MYRIP: variants seen among roughly 807,000 people sequenced by gnomAD.
MYRIP encodes the protein myosin VIIA and Rab interacting protein.
A neutral mutation model predicts 98.0 loss-of-function variants in MYRIP; 49 were observed. The observed-to-expected ratio is 0.50, with a 90% CI of 0.40 to 0.63. The LOEUF is 0.63. Among genes scored for constraint, MYRIP ranks in the 30% least tolerant of loss-of-function variants. MYRIP has a pLI of 0.00. For missense variants in MYRIP, 1,004 were observed against 1,058.2 expected, an observed-to-expected ratio of 0.95 and a Z score of 0.71; for synonymous variants, 404 against 409.5, an observed-to-expected ratio of 0.99 and a Z score of 0.16.
chr3:40,255,071 C>CA (rs1305922408), intron 16 of MYRIP, among the ~76,000 whole-genome samples: 1 of 152,166 alleles, frequency 6.6e-6, no homozygotes, highest in Admixed American at 6.6e-5. Flanking sequence ...TACTCACTGC[C>CA]TTCTCTTCAT....
At chr3:40,061,126 G>A (rs1039292935) in intron 3 of MYRIP, among the ~76,000 whole-genome samples, 8 of 152,104 alleles carry the variant, frequency 5.3e-5, no homozygotes, top group Non-Finnish European at 1.2e-4. Flanking sequence ...GTGAAGGTTT[G>A]TTATACAGGT....
At chr3:39,973,252 C>T (rs1383745201) in intron 2 of MYRIP, among the ~76,000 whole-genome samples, 1 of 152,008 alleles carries the variant, frequency 6.6e-6, no homozygotes, top group Admixed American at 6.6e-5. Context: ...GGCTGTAATC[C>T]TAGTCTCTGA....
chr3:40,016,889 G>T (rs1174507849), intron 2 of MYRIP, among the ~76,000 whole-genome samples: 6 of 152,190 alleles, frequency 3.9e-5, no homozygotes, highest in Admixed American at 3.9e-4. Flanking sequence ...GGCCAGAGTT[G>T]CTGGGCAGGG....
intron 1 of MYRIP, among the ~76,000 whole-genome samples, chr3:39,865,964 A>G (rs1195675721): frequency 1.3e-5 from 2 of 152,202 alleles, no homozygotes; most frequent in Non-Finnish European, 2.9e-5. Context: ...AAAATGTGGT[A>G]AATATACACC....
At chr3:39,843,328 G>C (rs1941860726) in intron 1 of MYRIP, among the ~76,000 whole-genome samples, 1 of 152,030 alleles carries the variant, frequency 6.6e-6, no homozygotes, top group African/African-American at 2.4e-5. Context: ...CTCCAGTCTA[G>C]CTCAAACATT....
Position 40,245,753 on chromosome 3 carries a change from T to TTTTC in MYRIP, c.2262+1149_2262+1150insCTTT, listed in dbSNP as rs1395486835. Among the ~76,000 whole-genome samples the TTTTC allele has an allele frequency of 2.8e-5, 4 of 140,468 alleles. No homozygotes were observed. In the East Asian group the frequency reaches 8.4e-4, roughly 30 times the overall value. The allele number at this position is 140,468 out of a possible 152,430, so 92.2% of individuals were successfully genotyped here. A position where few individuals can be genotyped will look rare whatever the true frequency, so the allele number is the denominator to read the frequency against. On this transcript the variant is annotated intron_variant, in intron 13 of 16. Transcript: ENST00000302541. ...ATAGACCCCTGGTTTGCTGATTTTTTTTTTTTTTTTTTGAGACAGAGTCTT... is the reference window on the plus strand; with the variant it reads ...ATAGACCCCTGGTTTGCTGATTTTTTTTTCTTTTTTTTTTTTGAGACAGAGTCTT...
At chr3:40,010,119 A>G (rs1020817138) in intron 2 of MYRIP, among the ~76,000 whole-genome samples, 3 of 152,250 alleles carry the variant, frequency 2.0e-5, no homozygotes, top group Admixed American at 2.0e-4. Context: ...ATATGCAGGC[A>G]GAATATCCAG....
intron 1 of MYRIP, among the ~76,000 whole-genome samples, chr3:39,846,795 A>T (rs946662930): frequency 1.2e-4 from 18 of 152,182 alleles, no homozygotes; most frequent in African/African-American, 4.3e-4. Flanking sequence ...TCCCATGATT[A>T]TTGAGGTTGG....
At chr3:39,913,105 A>T (rs1164936045) in intron 2 of MYRIP, among the ~76,000 whole-genome samples, 3 of 152,316 alleles carry the variant, frequency 2.0e-5, no homozygotes, top group Middle Eastern at 3.4e-3. Flanking sequence ...AGATAAAGAC[A>T]ATTTCTCTTT....
intron 4 of MYRIP, among the ~76,000 whole-genome samples, chr3:40,155,326 A>G (rs1159829095): frequency 6.6e-6 from 1 of 151,130 alleles, no homozygotes; most frequent in African/African-American, 2.4e-5. Flanking sequence ...TGAACTCATC[A>G]TTTTTTATGG....
intron 2 of MYRIP, among the ~76,000 whole-genome samples, chr3:39,904,176 G>T (rs993486179): frequency 1.1e-4 from 16 of 152,094 alleles, no homozygotes; most frequent in African/African-American, 3.9e-4. Context: ...TAACAATTTA[G>T]ATCTTTTCCA....
In MYRIP at chr3:40,190,456, C is replaced by A. The variant is rs751862700; in HGVS notation, c.1658C>A (p.Thr553Lys). The A allele has an allele frequency of 1.9e-6, 3 of 1,587,844 alleles. No individual in the cohort carries two copies. The Admixed American group carries it at 5.3e-5, about 28-fold the overall frequency. The change falls in exon 10 of 17, where the codon ACA becomes AAA. Residue 553 changes from threonine to lysine, a missense_variant. Thr to Lys is a moderately conservative substitution (Grantham distance 78). This residue lies in a region of MYRIP where 880 missense variants were observed against 907.7 expected (regional missense o/e 0.97). Transcript: ENST00000302541. ...SPSAQLRDLD[T>K]HQVSDDLSET... ...AGCGCCCAGCTCCGGGATCTAGACA[C>A]ACATCAGGTAATGGAAGTGCATGCG...
chr3:40,158,300 G>T (rs1950291999), intron 4 of MYRIP, among the ~76,000 whole-genome samples: 1 of 152,142 alleles, frequency 6.6e-6, no homozygotes, highest in South Asian at 2.1e-4. Flanking sequence ...ATGTAGTTGA[G>T]CGGTTTTGAG....
chr3:39,953,786 G>A (rs1237894798), intron 2 of MYRIP, among the ~76,000 whole-genome samples: 5 of 152,130 alleles, frequency 3.3e-5, no homozygotes, highest in African/African-American at 1.2e-4. Flanking sequence ...GGGAAGCCGT[G>A]ACAGATGGTA....
At chr3:39,987,100 A>G (rs1030193030) in intron 2 of MYRIP, among the ~76,000 whole-genome samples, 1 of 151,984 alleles carries the variant, frequency 6.6e-6, no homozygotes, top group Non-Finnish European at 1.5e-5. Flanking sequence ...TCAACCCATC[A>G]TCTAGGTTTT....
chr3:39,885,341 T>C (rs1035619483), intron 1 of MYRIP, among the ~76,000 whole-genome samples: 2 of 152,124 alleles, frequency 1.3e-5, no homozygotes, highest in Non-Finnish European at 2.9e-5. Context: ...CTCTTCTGGC[T>C]TGTAGAGTTT....
intron 3 of MYRIP, among the ~76,000 whole-genome samples, chr3:40,049,124 A>G (rs1459001908): frequency 6.6e-6 from 1 of 152,290 alleles, no homozygotes; most frequent in East Asian, 1.9e-4. Flanking sequence ...TTAGCTTTCT[A>G]GCTCTTTGCT....
chr3:39,834,600 T>A (rs1014557902), intron 1 of MYRIP, among the ~76,000 whole-genome samples: 1 of 152,206 alleles, frequency 6.6e-6, no homozygotes, highest in African/African-American at 2.4e-5. Flanking sequence ...AAAATGATGC[T>A]GTGGCATTTC....
intron 2 of MYRIP, among the ~76,000 whole-genome samples, chr3:39,904,528 G>T (rs569784764): frequency 2.0e-5 from 3 of 152,208 alleles, no homozygotes; most frequent in Admixed American, 1.3e-4. Context: ...GAGCCACTGC[G>T]CCTGGTCGTG....
Sources: gnomAD v4.1 joint callset for allele counts (sites outside exome capture counted in the v4.1 genomes callset) on GRCh38, gnomAD v4.1.1 for gene constraint, gnomAD v4.1.1 regional missense constraint, MANE v1.5 for transcripts, NCBI Gene and HGNC (gene_info 2026-07-23, HGNC 2026-07-21) for gene names.